The following SPRY3 variants were observed in gnomAD, a reference collection of about 807,000 sequenced individuals.
SPRY3 encodes the protein sprouty RTK signaling antagonist 3, also known as protein sprouty homolog 3.
In SPRY3, 15 loss-of-function variants were observed where a neutral mutation model predicts 20.2. The observed-to-expected ratio is 0.74, with a 90% confidence interval of 0.50 to 1.14. The LOEUF (loss-of-function observed/expected upper bound fraction) is 1.14, where lower values mean the gene tolerates loss of function less well. Ranked by LOEUF, SPRY3 falls within the 50% of genes most tolerant of loss-of-function variation. SPRY3 has a pLI of 0.00. For missense variants in SPRY3, 364 were observed against 363.9 expected (o/e 1.00, Z 0.00); for synonymous variants, 143 against 136.5 (o/e 1.05, Z -0.33).
intron 2 of SPRY3, among the ~76,000 whole-genome samples, chrX:155,660,783 G>A (rs1273965772): frequency 9.6e-6 from 1 of 103,987 alleles, no homozygotes; most frequent in Non-Finnish European, 1.9e-5. Flanking sequence ...GACCTTCTTT[G>A]TCTTTTTTTT....
intron 1 of SPRY3, chrX:155,613,000 G>C (rs1444546896): frequency 8.9e-6 from 1 of 112,583 alleles, no homozygotes; most frequent in Non-Finnish European, 1.9e-5. Context: ...GGTGCCTCTG[G>C]CGCCCGGGAC....
intron 3 of SPRY3, among the ~76,000 whole-genome samples, 173 bp from the exon 3 acceptor site, chrX:155,773,593 G>A (rs889348197): frequency 3.9e-5 from 6 of 151,998 alleles, no homozygotes. Context: ...GGGATGATGA[G>A]ATTTGCCTAT....
At chrX:155,682,880 A>G (rs1603134223) in intron 2 of SPRY3, among the ~76,000 whole-genome samples, 1 of 112,136 alleles carries the variant, frequency 8.9e-6, no homozygotes, top group East Asian at 2.8e-4. Flanking sequence ...TGAAGTCAAA[A>G]TATTAACATT....
chrX:155,753,695 ATTTAC>A (rs2091272935), intron 2 of SPRY3, among the ~76,000 whole-genome samples: 1 of 151,868 alleles, frequency 6.6e-6, no homozygotes, highest in Admixed American at 6.6e-5. Context: ...GTGCTGTGAG[ATTTAC>A]AATCTCACCA....
At chrX:155,631,482 A>G (rs990443871) in intron 1 of SPRY3, among the ~76,000 whole-genome samples, 1 of 112,024 alleles carries the variant, frequency 8.9e-6, no homozygotes, top group African/African-American at 3.2e-5. Flanking sequence ...TGCTGGATCA[A>G]ATGGTAGCTC....
intron 2 of SPRY3, among the ~76,000 whole-genome samples, chrX:155,726,587 C>G (rs1252746074): frequency 6.6e-6 from 1 of 152,030 alleles, no homozygotes; most frequent in African/African-American, 2.4e-5. Flanking sequence ...CCTTCTTTTT[C>G]TCTTTTGATC....
At chrX:155,621,458 C>G (rs185121206) in intron 1 of SPRY3, among the ~76,000 whole-genome samples, 162 of 111,793 alleles carry the variant, frequency 1.4e-3, no homozygotes, top group Admixed American at 5.4e-3. Flanking sequence ...GGTCTACTCA[C>G]ATTGTCTACT....
At chrX:155,753,886 G>T (rs1211535831) in intron 2 of SPRY3, among the ~76,000 whole-genome samples, 2 of 151,836 alleles carry the variant, frequency 1.3e-5, no homozygotes, top group Non-Finnish European at 2.9e-5. Context: ...GGCCATTTGT[G>T]TGTCTTTGAA....
At chrX:155,749,708 T>G (rs1235892626) in intron 2 of SPRY3, among the ~76,000 whole-genome samples, 1 of 151,892 alleles carries the variant, frequency 6.6e-6, no homozygotes, top group Non-Finnish European at 1.5e-5. Context: ...ATTTTGGCTT[T>G]CACTATGATT....
chrX:155,720,100 T>A (rs1280002699), intron 2 of SPRY3, among the ~76,000 whole-genome samples: 1 of 152,098 alleles, frequency 6.6e-6, no homozygotes, highest in Non-Finnish European at 1.5e-5. Context: ...CAGGCAGCAT[T>A]TACTACAAGC....
At chrX:155,757,074 C>G (rs1379072633) in intron 2 of SPRY3, among the ~76,000 whole-genome samples, 3 of 152,158 alleles carry the variant, frequency 2.0e-5, no homozygotes, top group Non-Finnish European at 4.4e-5. Context: ...AAGTCATATT[C>G]TGTCATTCCT....
chrX:155,754,461 T>C (rs1365231739), intron 2 of SPRY3, among the ~76,000 whole-genome samples: 1 of 152,082 alleles, frequency 6.6e-6, no homozygotes, highest in African/African-American at 2.4e-5. Flanking sequence ...TGTATATCCT[T>C]ATTCCAGTAC....
chrX:155,637,679 T>A (rs1405921741), intron 1 of SPRY3, among the ~76,000 whole-genome samples: 1 of 111,736 alleles, frequency 8.9e-6, no homozygotes, highest in Non-Finnish European at 1.9e-5. Context: ...CCTCCAAATT[T>A]CTGGGATTTA....
chrX:155,633,198 A>G (rs1230125140), intron 1 of SPRY3, among the ~76,000 whole-genome samples: 1 of 109,474 alleles, frequency 9.1e-6, no homozygotes, highest in Non-Finnish European at 1.9e-5. Flanking sequence ...TTGAATCACT[A>G]AAATGGAAAT....
At chrX:155,698,809 C>T (rs2068127008) in intron 2 of SPRY3, among the ~76,000 whole-genome samples, 1 of 111,999 alleles carries the variant, frequency 8.9e-6, no homozygotes. Flanking sequence ...TTAGACTGTG[C>T]TGATTAATAC....
chrX:155,677,114 C>A (rs1286910261), intron 2 of SPRY3, among the ~76,000 whole-genome samples: 1 of 111,261 alleles, frequency 9.0e-6, no homozygotes, highest in East Asian at 2.8e-4. Flanking sequence ...GTGAGAAACA[C>A]CAACAAATCA....
At chrX:155,654,153 A>G (rs927446073) in intron 1 of SPRY3, among the ~76,000 whole-genome samples, 1 of 112,000 alleles carries the variant, frequency 8.9e-6, no homozygotes, top group African/African-American at 3.2e-5. Context: ...GAGTCTATAT[A>G]TTTAAAGTGG....
chrX:155,685,799 T>C (rs1340922550), intron 2 of SPRY3, among the ~76,000 whole-genome samples: 2 of 111,035 alleles, frequency 1.8e-5, no homozygotes, highest in Non-Finnish European at 3.8e-5. Flanking sequence ...GATGGAGTCT[T>C]GCTCCGTCGC....
exon 4 of SPRY3, chrX:155,774,648 C>G (rs374779785): frequency 2.4e-5 from 38 of 1,613,882 alleles, no homozygotes; most frequent in Non-Finnish European, 3.1e-5. Flanking sequence ...GGCGACCAGG[C>G]TGCCGCTGCA....
Sources: allele counts gnomAD v4.1 joint callset (sites outside exome capture counted in the v4.1 genomes callset), GRCh38; gene constraint gnomAD v4.1.1; transcripts MANE v1.5; gene names NCBI Gene and HGNC (gene_info 2026-07-23, HGNC 2026-07-21).